NAV2: variants seen among roughly 807,000 people sequenced by gnomAD.
NAV2 encodes the protein neuron navigator 2.
A neutral mutation model predicts 223.2 loss-of-function variants in NAV2; 54 were observed. The observed-to-expected ratio is 0.24, with a 90% confidence interval of 0.19 to 0.30. NAV2 has a LOEUF of 0.30. NAV2 is among the 10% of genes least tolerant of loss of function. NAV2 has a pLI of 1.00. For synonymous variants in NAV2, 1,279 were observed against 1,239.3 expected, an observed-to-expected ratio of 1.03 and a Z score of -0.67; for missense variants, 2,806 against 3,147.5, an observed-to-expected ratio of 0.89 and a Z score of 2.60.
At chr11:19,537,699 C>T (rs914561214) in intron 1 of NAV2, among the ~76,000 whole-genome samples, 4 of 152,188 alleles carry the variant, frequency 2.6e-5, no homozygotes, top group African/African-American at 9.7e-5. Context: ...GACTGGCTTT[C>T]CTTAGTTCTA....
chr11:19,572,218 A>C (rs2045446357), intron 1 of NAV2, among the ~76,000 whole-genome samples: 1 of 152,206 alleles, frequency 6.6e-6, no homozygotes, highest in African/African-American at 2.4e-5. Context: ...CACTCCTGAC[A>C]ATATGCTCCA....
intron 11 of NAV2, among the ~76,000 whole-genome samples, chr11:19,992,068 C>A (rs572304991): frequency 6.6e-6 from 1 of 152,372 alleles, no homozygotes; most frequent in East Asian, 1.9e-4. Flanking sequence ...CATTAACGAT[C>A]TTCACTGGTT....
intron 1 of NAV2, among the ~76,000 whole-genome samples, chr11:19,820,624 C>A (rs988710883): frequency 6.6e-6 from 1 of 152,200 alleles, no homozygotes; most frequent in Non-Finnish European, 1.5e-5. Context: ...TGAGGCTGGT[C>A]AGCTTGAGTC....
In NAV2 at chr11:19,352,276, A is replaced by G. The variant is rs961913848; in HGVS notation, c.75+1249A>G. Among the ~76,000 whole-genome samples, 6 of 152,222 alleles carry G rather than the reference A, an allele frequency of 3.9e-5. No homozygotes were observed. The East Asian group carries it at 1.2e-3, about 29-fold the overall frequency. On this transcript the variant is annotated intron_variant, in intron 1 of 37. Transcript: ENST00000360655. ...TTTCAGAGAGATAGGAGAAAAATCAATAATAGTTGTGAACAGAACCCAGGA... is the reference window on the plus strand; with the variant it reads ...TTTCAGAGAGATAGGAGAAAAATCAGTAATAGTTGTGAACAGAACCCAGGA...
At chr11:19,440,904 C>T (rs556045095) in intron 1 of NAV2, among the ~76,000 whole-genome samples, 3 of 152,294 alleles carry the variant, frequency 2.0e-5, no homozygotes, top group African/African-American at 4.8e-5. Context: ...TCTTCCACAG[C>T]GTCTAGAAAC....
chr11:19,709,326 A>G (rs1467315784), upstream of NAV2, among the ~76,000 whole-genome samples: 2 of 151,698 alleles, frequency 1.3e-5, no homozygotes, highest in Admixed American at 1.3e-4. Flanking sequence ...GCGAATCACG[A>G]GGTCAGGAGG....
intron 1 of NAV2, among the ~76,000 whole-genome samples, chr11:19,781,837 G>T (rs1487104719): frequency 2.0e-5 from 3 of 152,028 alleles, no homozygotes; most frequent in Non-Finnish European, 4.4e-5. Context: ...TGTACAGTGT[G>T]ATGATTTGAT....
At chr11:19,460,602 G>C (rs1352239481) in intron 1 of NAV2, among the ~76,000 whole-genome samples, 2 of 135,326 alleles carry the variant, frequency 1.5e-5, no homozygotes, top group South Asian at 2.4e-4. Context: ...TGAACAATGA[G>C]AACACTTGGA....
At chr11:19,981,913 A>G (rs536506415) in intron 10 of NAV2, among the ~76,000 whole-genome samples, 1 of 152,336 alleles carries the variant, frequency 6.6e-6, no homozygotes, top group Admixed American at 6.5e-5. Context: ...AAGAGGAAAG[A>G]AAACCTGTAA....
Position 20,068,336 on chromosome 11 carries a change from C to A in NAV2, c.4921C>A (p.Arg1641=), listed in dbSNP as rs151080998. The A allele has an allele frequency of 8.6e-5, 139 of 1,613,952 alleles. No homozygotes were observed. Among genetic ancestry groups the A allele is most frequent in the Non-Finnish European group, 1.1e-4 (133 of 1,179,928 alleles). The change falls in exon 22 of 38, where the codon CGG becomes AGG. Residue 1641 remains arginine (R), a synonymous_variant. Coordinates refer to ENST00000349880, the MANE Select transcript of NAV2 (RefSeq NM_145117.5). ...TTGTCATCTTTAGATTCGCAAGCTG[C>A]GGCGGGAACTGGATGCCTCCCAGGA... The part of the protein sequence containing the change: ...EKCQSEIRKL[R]RELDASQEKV...
chr11:19,998,664 G>A lies in NAV2; in HGVS notation c.2768+14417G>A, dbSNP rs1202817016. On this transcript the variant is annotated intron_variant, in intron 11 of 37. Transcript: ENST00000349880. This position sits in a 1 kb window ranked among gnomAD's most constrained non-coding sequence, Gnocchi z 5.0. ...ACGTGCCGGATCTTCTCTTTCGTCA[G>A]AAGCTTTGCACATACTGTCCCCTCT... Among the ~76,000 whole-genome samples the A allele has an allele frequency of 6.6e-6, 1 of 151,888 alleles. No individual in the cohort carries two copies. Among genetic ancestry groups the A allele is most frequent in the African/African-American group, 2.4e-5 (1 of 41,372 alleles).
chr11:19,891,957 T>TTTTTG (rs1272412632), intron 5 of NAV2, among the ~76,000 whole-genome samples: 3 of 152,062 alleles, frequency 2.0e-5, no homozygotes, highest in Non-Finnish European at 2.9e-5. Context: ...ATGAACTTTG[T>TTTTTG]TTTTGTTTTG....
intron 1 of NAV2, among the ~76,000 whole-genome samples, chr11:19,446,078 A>G (rs1385039914): frequency 1.3e-5 from 2 of 152,168 alleles, no homozygotes; most frequent in East Asian, 3.9e-4. Flanking sequence ...GACTTTTTCC[A>G]GATCTTAGTT....
At chr11:19,965,775 A>C (rs190996260) in intron 10 of NAV2, among the ~76,000 whole-genome samples, 10 of 152,334 alleles carry the variant, frequency 6.6e-5, no homozygotes, top group Admixed American at 6.5e-4. Context: ...CCATTTCATT[A>C]TGTTCATGGG....
chr11:19,415,598 A>G (rs1436195113), intron 1 of NAV2, among the ~76,000 whole-genome samples: 2 of 152,188 alleles, frequency 1.3e-5, no homozygotes, highest in Non-Finnish European at 2.9e-5. Flanking sequence ...TTTTTATGAG[A>G]CCAGCATCAT....
chr11:19,763,902 G>A (rs778363749), intron 1 of NAV2, among the ~76,000 whole-genome samples: 1 of 151,762 alleles, frequency 6.6e-6, no homozygotes, highest in African/African-American at 2.4e-5. Context: ...CAAAACGTAT[G>A]GCCGTATAAC....
intron 1 of NAV2, among the ~76,000 whole-genome samples, chr11:19,707,211 T>C (rs915644423): frequency 1.3e-5 from 2 of 152,304 alleles, no homozygotes; most frequent in East Asian, 1.9e-4. Context: ...ACTAAATTTA[T>C]TAAAAATATT....
At chr11:19,944,031 C>T (rs2046626624) in intron 8 of NAV2, among the ~76,000 whole-genome samples, 1 of 151,880 alleles carries the variant, frequency 6.6e-6, no homozygotes, top group Admixed American at 6.6e-5. Flanking sequence ...AACCCTGTAT[C>T]TACTAAAAAC....
At chr11:19,676,796 C>A (rs572975998) in intron 1 of NAV2, among the ~76,000 whole-genome samples, 1 of 152,362 alleles carries the variant, frequency 6.6e-6, no homozygotes, top group South Asian at 2.1e-4. Context: ...CGACTCAATT[C>A]ATCTTCTAAG....
Sources: gnomAD v4.1 joint callset for allele counts (sites outside exome capture counted in the v4.1 genomes callset) on GRCh38, gnomAD v4.1.1 for gene constraint, Gnocchi (gnomAD v3.1) non-coding constraint, MANE v1.5 for transcripts, NCBI Gene and HGNC (gene_info 2026-07-23, HGNC 2026-07-21) for gene names.